MYH15: variants seen among roughly 807,000 people sequenced by gnomAD.
MYH15 encodes the protein myosin heavy chain 15.
In MYH15, 227 loss-of-function variants were observed where a neutral mutation model predicts 240.5. That is an observed-to-expected ratio of 0.94 (90% CI 0.85 to 1.05). The LOEUF is 1.05. MYH15 is among the 50% of genes least tolerant of loss of function. The probability of loss-of-function intolerance (pLI) is 0.00; values close to 1 mark genes in which losing one functional copy is unlikely to be tolerated. For missense variants in MYH15, 2,217 were observed against 2,247.5 expected, an observed-to-expected ratio of 0.99 and a Z score of 0.27; for synonymous variants, 785 against 796.7, an observed-to-expected ratio of 0.99 and a Z score of 0.25.
At chr3:108,419,095 A>G (rs1215837330) in intron 28 of MYH15, among the ~76,000 whole-genome samples, 1 of 152,182 alleles carries the variant, frequency 6.6e-6, no homozygotes, top group Non-Finnish European at 1.5e-5. Flanking sequence ...ATATAAATCC[A>G]CTAGCTGGTT....
rs748651572 is a variant in MYH15, at chr3:108,454,077, G to A, written c.2328C>T (p.Val776=). The part of the protein sequence containing the change: ...EAIRDERLSK[V]FTLFQARAQG... ...GTGCTCTGGCTTGGAACAATGTGAA[G>A]ACTTTAGATAGTCTCTCATCTCTTA... Residue 776 remains valine (V), a synonymous_variant, in exon 21 of 41, where the codon GTC becomes GTT. Coordinates refer to ENST00000693548, the MANE Select transcript of MYH15 (RefSeq NM_014981.3). 6.2e-7 allele frequency: 1 copy of A among 1,612,910 alleles called. No individual in the cohort carries two copies. Among genetic ancestry groups the A allele is most frequent in the Non-Finnish European group, 8.5e-7 (1 of 1,179,262 alleles).
chr3:108,480,360 G>C (rs2083257149), intron 11 of MYH15, among the ~76,000 whole-genome samples: 1 of 152,152 alleles, frequency 6.6e-6, no homozygotes, highest in African/African-American at 2.4e-5. Context: ...TAACCCAGAG[G>C]GACTGGACTA....
chr3:108,490,292 G>C (rs1173830831), intron 9 of MYH15, among the ~76,000 whole-genome samples: 1 of 152,162 alleles, frequency 6.6e-6, no homozygotes, highest in Non-Finnish European at 1.5e-5. Flanking sequence ...TAAAAACCAA[G>C]TAGTCAAAAC....
intron 40 of MYH15, 101 bp from the exon 41 acceptor site, chr3:108,381,660 G>C (rs773164248): frequency 6.1e-6 from 8 of 1,315,008 alleles, no homozygotes; most frequent in Non-Finnish European, 8.8e-6. Context: ...AGGTAAGCAG[G>C]CCTTAGCCAA....
intron 9 of MYH15, among the ~76,000 whole-genome samples, chr3:108,488,194 A>T (rs2083320240): frequency 6.6e-6 from 1 of 152,114 alleles, no homozygotes. Context: ...ACTTTTTTAG[A>T]TTCTACATGG....
chr3:108,478,582 T>C (rs922898258), intron 11 of MYH15, among the ~76,000 whole-genome samples: 1 of 131,460 alleles, frequency 7.6e-6, no homozygotes, highest in South Asian at 2.4e-4. Flanking sequence ...GTGAAAATAT[T>C]TAAAAGACGG....
At chr3:108,445,034 G>T in intron 21 of MYH15, 139 bp from the exon 22 acceptor site, 1 of 967,838 alleles carries the variant, frequency 1.0e-6, no homozygotes, top group Non-Finnish European at 1.5e-6. Context: ...TTTTATATCT[G>T]GACTTTCACT....
chr3:108,439,160 G>C (rs1016306279), intron 24 of MYH15, among the ~76,000 whole-genome samples: 1 of 152,104 alleles, frequency 6.6e-6, no homozygotes, highest in Admixed American at 6.6e-5. Flanking sequence ...GTGGGAAAAA[G>C]GAAGAATTAT....
At chr3:108,461,162 G>A (rs776239880) in intron 16 of MYH15, among the ~76,000 whole-genome samples, 1 of 152,164 alleles carries the variant, frequency 6.6e-6, no homozygotes, top group Non-Finnish European at 1.5e-5. Context: ...TAGGGTAGCT[G>A]TCAATATGGA....
At chr3:108,510,391 C>A (rs2083512580) in intron 1 of MYH15, 52 bp downstream of exon 1, 1 of 1,563,578 alleles carries the variant, frequency 6.4e-7, no homozygotes. Context: ...ATCTTAGTCA[C>A]CATCTTGAAG....
chr3:108,411,152 C>T (rs2082590374), intron 30 of MYH15, among the ~76,000 whole-genome samples: 1 of 152,156 alleles, frequency 6.6e-6, no homozygotes, highest in Non-Finnish European at 1.5e-5. Flanking sequence ...TTATTTTCCC[C>T]CTTTGCCAAC....
intron 21 of MYH15, among the ~76,000 whole-genome samples, chr3:108,450,134 G>C (rs1305997303): frequency 3.3e-5 from 5 of 152,056 alleles, no homozygotes; most frequent in African/African-American, 1.2e-4. Context: ...AGCCATTATG[G>C]AAAACAGTAT....
intron 30 of MYH15, 112 bp from the exon 31 acceptor site, chr3:108,411,044 G>T: frequency 1.2e-6 from 1 of 843,188 alleles, no homozygotes; most frequent in Non-Finnish European, 1.8e-6. Context: ...TGGCGCCTCT[G>T]CAGTGGACTT....
Position 108,470,056 on chromosome 3 carries a change from CTAT to C in MYH15, c.1537_1539del (p.Ile513del), listed in dbSNP as rs2083158010. 4 of 1,597,976 alleles carry C rather than the reference CTAT, an allele frequency of 2.5e-6. No individual in the cohort carries two copies. The highest frequency in any genetic ancestry group is 3.4e-6 in the Non-Finnish European group (4 of 1,174,884). On this transcript the variant is annotated inframe_deletion, in exon 14 of 41. Transcript: ENST00000693548. Reference sequence around the variant, plus strand: ...ACATATATTACCTTCTCAATGAGATCTATGCAAGCTTGCAAATCCAGACCAAAG... The same window carrying C: ...ACATATATTACCTTCTCAATGAGATCGCAAGCTTGCAAATCCAGACCAAAG...
At chr3:108,515,981 A>G (rs971962947) in intron 1 of MYH15, among the ~76,000 whole-genome samples, 27 of 152,174 alleles carry the variant, frequency 1.8e-4, no homozygotes, top group African/African-American at 6.0e-4. Context: ...ACCACAGTAA[A>G]TCTATCACTC....
intron 1 of MYH15, among the ~76,000 whole-genome samples, chr3:108,519,642 T>G (rs2083601420): frequency 2.6e-5 from 4 of 152,142 alleles, no homozygotes; most frequent in Admixed American, 2.6e-4. Context: ...AAATATACCC[T>G]CCTATAAAAT....
intron 5 of MYH15, among the ~76,000 whole-genome samples, chr3:108,498,852 AAGGACT>A (rs2083414225): frequency 6.6e-6 from 1 of 152,178 alleles, no homozygotes; most frequent in Non-Finnish European, 1.5e-5. Flanking sequence ...TGGGAAGGTA[AAGGACT>A]TTAGCACTTC....
In MYH15 at chr3:108,510,071, A is replaced by G. The variant is rs916189649; in HGVS notation, c.88+372T>C. 2.0e-5 allele frequency among the ~76,000 whole-genome samples: 3 copies of G among 152,260 alleles called. No individual in the cohort carries two copies. In the South Asian group the frequency reaches 6.2e-4, roughly 32 times the overall value. On this transcript the variant is annotated intron_variant, in intron 1 of 40. Coordinates refer to ENST00000693548, the MANE Select transcript of MYH15 (RefSeq NM_014981.3). ...TGTACAAACCCCACCCACCAGTCTAAGTCACAGGCCCCTCTCTCTACTGTG... is the reference window on the plus strand; with the variant it reads ...TGTACAAACCCCACCCACCAGTCTAGGTCACAGGCCCCTCTCTCTACTGTG...
At chr3:108,484,700 G>C (rs150861474) in intron 11 of MYH15, among the ~76,000 whole-genome samples, 1,996 of 152,124 alleles carry the variant, frequency 0.013, 74 homozygotes, top group East Asian at 0.094. Context: ...GGCTGGTCTT[G>C]AACTCCTGGC....
Sources: allele counts gnomAD v4.1 joint callset (sites outside exome capture counted in the v4.1 genomes callset), GRCh38; gene constraint gnomAD v4.1.1; transcripts MANE v1.5; gene names NCBI Gene and HGNC (gene_info 2026-07-23, HGNC 2026-07-21).